The following MINAR2 variants were observed in gnomAD, a reference collection of about 807,000 sequenced individuals.
The protein encoded by MINAR2 is membrane integral NOTCH2 associated receptor 2.
A neutral mutation model predicts 16.1 loss-of-function variants in MINAR2; 21 were observed. The observed-to-expected ratio is 1.31, with a 90% CI of 0.93 to 1.88. The LOEUF (loss-of-function observed/expected upper bound fraction) is 1.88. Among genes scored for constraint, MINAR2 ranks in the 40% most tolerant of loss-of-function variants. The pLI is 0.00. For synonymous variants in MINAR2, 86 were observed against 83.0 expected, an observed-to-expected ratio of 1.04 and a Z score of -0.20; for missense variants, 259 against 229.8, an observed-to-expected ratio of 1.13 and a Z score of -0.82.
rs1758207081 is a variant in MINAR2, at chr5:129,765,986, T to C, written c.*923T>C. On this transcript the variant is annotated 3_prime_UTR_variant, in exon 3 of 3. Coordinates refer to ENST00000564719, the MANE Select transcript of MINAR2 (RefSeq NM_001257308.2). The stretch of plus-strand genomic sequence containing the variant: ...CCAAATACAAAACAGGTATGAACAG[T>C]ATCTGGCTCGAAATAAGCAGTTGCT... 1.3e-5 allele frequency: 2 copies of C among 152,238 alleles called. No individual in the cohort carries two copies. The highest frequency in any genetic ancestry group is 4.8e-5 in the African/African-American group (2 of 41,472). 9.4% of individuals were successfully genotyped at this position (152,238 alleles called of 1,614,324 possible).
chr5:129,765,797 T>C lies in MINAR2; in HGVS notation c.*734T>C, dbSNP rs1446003021. 1 of 152,124 alleles carries C rather than the reference T, an allele frequency of 6.6e-6. No individual in the cohort carries two copies. Among genetic ancestry groups the C allele is most frequent in the Non-Finnish European group, 1.5e-5 (1 of 68,032 alleles). 9.4% of individuals were successfully genotyped at this position (152,124 alleles called of 1,614,324 possible). ...GACCCCTGGTGGCAGTCAGTGTGCA[T>C]ATATTACCAACCATGGTCTAGGTTG... On this transcript the variant is annotated 3_prime_UTR_variant, in exon 3 of 3. Coordinates refer to ENST00000564719, the MANE Select transcript of MINAR2 (RefSeq NM_001257308.2).
chr5:129,753,860 G>T (rs927952951), intron 1 of MINAR2, among the ~76,000 whole-genome samples: 4 of 151,954 alleles, frequency 2.6e-5, no homozygotes, highest in African/African-American at 9.7e-5. Context: ...AGAAAGAAAA[G>T]AACAATACTG....
chr5:129,749,558 T>A (rs1330859671), intron 1 of MINAR2, among the ~76,000 whole-genome samples: 4 of 152,180 alleles, frequency 2.6e-5, no homozygotes, highest in Non-Finnish European at 5.9e-5. Context: ...GTTGTTGTAT[T>A]TGTAGGCGTT....
intron 1 of MINAR2, among the ~76,000 whole-genome samples, chr5:129,751,444 G>A (rs1026285411): frequency 6.6e-6 from 1 of 152,112 alleles, no homozygotes; most frequent in African/African-American, 2.4e-5. Context: ...CCTGCCTCAA[G>A]GTATCCATCC....
Position 129,765,232 on chromosome 5 carries a change from G to T in MINAR2, c.*169G>T. ...CCTGAAGAATGTGAATGTCAGGCGT[G>T]GTATGCTGGCTTCTCCACTTTGTTC... On this transcript the variant is annotated 3_prime_UTR_variant, in exon 3 of 3. Transcript: ENST00000564719. The T allele has an allele frequency of 4.8e-6, 2 of 420,010 alleles. No individual in the cohort carries two copies. The highest frequency in any genetic ancestry group is 8.8e-5 in the Admixed American group (2 of 22,720). The allele number at this position is 420,010 out of a possible 1,614,324, so 26.0% of individuals were successfully genotyped here.
At position 129,765,107 on chromosome 5, in the gene MINAR2, T is replaced by C; in HGVS notation, c.*44T>C. ...AGCTACTTTAAATTTCCTAAAAATT[T>C]TTCTGATAAACATTTGAAACCCCCC... On this transcript the variant is annotated 3_prime_UTR_variant, in exon 3 of 3. Coordinates refer to ENST00000564719, the MANE Select transcript of MINAR2 (RefSeq NM_001257308.2). 2 of 1,207,806 alleles carry C rather than the reference T, an allele frequency of 1.7e-6. No individual in the cohort carries two copies. The highest frequency in any genetic ancestry group is 7.7e-5 in the South Asian group (2 of 25,962). The allele number at this position is 1,207,806 out of a possible 1,614,324, so 74.8% of individuals were successfully genotyped here. A position where few individuals can be genotyped will look rare whatever the true frequency, so the allele number is the denominator to read the frequency against.
intron 1 of MINAR2, among the ~76,000 whole-genome samples, chr5:129,752,241 T>C (rs1757993990): frequency 6.6e-6 from 1 of 152,190 alleles, no homozygotes; most frequent in South Asian, 2.1e-4. Context: ...CAAAGGATTA[T>C]AAATCATTCT....
At chr5:129,762,594 C>A (rs970586952) in intron 2 of MINAR2, 5 of 336,746 alleles carry the variant, frequency 1.5e-5, no homozygotes, top group African/African-American at 9.0e-5. Flanking sequence ...TCACCATTGC[C>A]AGCAGCAGCA....
intron 1 of MINAR2, among the ~76,000 whole-genome samples, chr5:129,751,137 A>G (rs984863828): frequency 1.1e-4 from 16 of 152,182 alleles, no homozygotes; most frequent in African/African-American, 3.9e-4. Flanking sequence ...CTAACTTTTA[A>G]AATTCACTTT....
Position 129,760,436 on chromosome 5 carries a change from T to C in MINAR2, c.224T>C (p.Val75Ala). 6.5e-7 allele frequency: 1 copy of C among 1,535,804 alleles called. No homozygotes were observed. The highest frequency in any genetic ancestry group is 1.2e-5 in the South Asian group (1 of 84,052). Reference sequence around the variant, plus strand: ...AGGGGATCCAGTGCAGACAGCCTTGTCACTGCTGATAGCCCCCCACCATCC... The same window carrying C: ...AGGGGATCCAGTGCAGACAGCCTTGCCACTGCTGATAGCCCCCCACCATCC... ...RIRGSSADSL[V>A]TADSPPPSMS... The change falls in exon 2 of 3, where the codon GTC becomes GCC. Residue 75 changes from valine (V) to alanine (A), a missense_variant. Physicochemically the swap from Val to Ala is moderately conservative, Grantham distance 64. Transcript: ENST00000564719.
intron 2 of MINAR2, among the ~76,000 whole-genome samples, chr5:129,764,564 A>G (rs11242007): frequency 0.018 from 2,684 of 152,338 alleles, 39 homozygotes; most frequent in Non-Finnish European, 0.027. Context: ...ACAATGTGAT[A>G]GAAACACCGT....
intron 1 of MINAR2, among the ~76,000 whole-genome samples, chr5:129,753,480 C>CAAAAAAAA (rs758914420): frequency 1.7e-4 from 17 of 100,776 alleles, no homozygotes; most frequent in East Asian, 2.9e-4. Context: ...AAGACTGTCT[C>CAAAAAAAA]AAAAAAAAAA....
At chr5:129,753,987 A>G (rs1182559321) in intron 1 of MINAR2, among the ~76,000 whole-genome samples, 1 of 152,196 alleles carries the variant, frequency 6.6e-6, no homozygotes, top group Non-Finnish European at 1.5e-5. Context: ...TCAGGGTACC[A>G]AGTTGTACTA....
chr5:129,749,052 T>C lies in MINAR2; in HGVS notation c.165+697T>C, dbSNP rs6862749. Among the ~76,000 whole-genome samples the C allele has an allele frequency of 4.0e-3, 605 of 152,268 alleles. 4 individuals carry two copies. The highest frequency in any genetic ancestry group is 0.014 in the African/African-American group (575 of 41,544). On this transcript the variant is annotated intron_variant, in intron 1 of 2. Coordinates refer to ENST00000564719, the MANE Select transcript of MINAR2 (RefSeq NM_001257308.2). ...TGACCAAAAGAGAAGAATAAAACTG[T>C]GATGAGTTCCATCAGCTGGAGTAAA... is the stretch of plus-strand genomic sequence containing the variant.
At chr5:129,762,268 C>CA (rs1038554008) in intron 2 of MINAR2, among the ~76,000 whole-genome samples, 6 of 151,924 alleles carry the variant, frequency 3.9e-5, no homozygotes, top group Non-Finnish European at 8.8e-5. Flanking sequence ...TAAAAGTTCA[C>CA]AAAAAAAGAA....
At chr5:129,752,918 G>A (rs1347136642) in intron 1 of MINAR2, among the ~76,000 whole-genome samples, 2 of 151,962 alleles carry the variant, frequency 1.3e-5, no homozygotes, top group Non-Finnish European at 2.9e-5. Context: ...GAGCATTCCA[G>A]ACTAAACCCG....
intron 2 of MINAR2, chr5:129,762,595 A>G: frequency 3.0e-6 from 1 of 337,834 alleles, no homozygotes. Flanking sequence ...CACCATTGCC[A>G]GCAGCAGCAC....
At position 129,766,462 on chromosome 5, in the gene MINAR2, C is replaced by T. The variant is rs1277313147; in HGVS notation, c.*1399C>T. The stretch of plus-strand genomic sequence containing the variant: ...ACCAGCCTGGCCAACATAGTGAAAC[C>T]CCGTCTCTATTAAAAATACAAAAAT... On this transcript the variant is annotated 3_prime_UTR_variant, in exon 3 of 3. Coordinates refer to ENST00000564719, the MANE Select transcript of MINAR2 (RefSeq NM_001257308.2). The T allele has an allele frequency of 2.0e-5, 3 of 151,960 alleles. No homozygotes were observed. Among genetic ancestry groups the T allele is most frequent in the Non-Finnish European group, 4.4e-5 (3 of 68,046 alleles). 9.4% of individuals were successfully genotyped at this position (151,960 alleles called of 1,614,324 possible).
In MINAR2 at chr5:129,766,663, AAC is replaced by A. The variant is rs1383667030; in HGVS notation, c.*1602_*1603del. ...AAAAAAAAAAAAAAAAAAACAAACA[AAC>A]AAACAAAAAAAACCCCAAAAAAAGA... On this transcript the variant is annotated 3_prime_UTR_variant, in exon 3 of 3. Transcript: ENST00000564719. 40 of 147,452 alleles carry A rather than the reference AAC, an allele frequency of 2.7e-4. No homozygotes were observed. Among genetic ancestry groups the A allele is most frequent in the African/African-American group, 1.0e-3 (39 of 37,996 alleles). 9.1% of individuals were successfully genotyped at this position (147,452 alleles called of 1,614,324 possible).
Sources: gnomAD v4.1 joint callset for allele counts (sites outside exome capture counted in the v4.1 genomes callset) on GRCh38, gnomAD v4.1.1 for gene constraint, MANE v1.5 for transcripts, NCBI Gene and HGNC (gene_info 2026-07-23, HGNC 2026-07-21) for gene names.